WFDC9: variants seen among roughly 807,000 people sequenced by gnomAD.
The protein encoded by WFDC9 is protein WFDC9.
WFDC9 carries 9 observed loss-of-function variants against 9.5 expected under a neutral mutation model. That is an observed-to-expected ratio of 0.95 (90% CI 0.57 to 1.65). The LOEUF (loss-of-function observed/expected upper bound fraction) is 1.65. WFDC9 is among the 40% of genes most tolerant of loss of function. The pLI, the probability that WFDC9 is intolerant of heterozygous loss-of-function variation, is 0.00. For synonymous variants in WFDC9, 33 were observed against 32.3 expected (o/e 1.02, Z -0.07); for missense variants, 87 against 106.7 (o/e 0.82, Z 0.81).
chr20:45,621,999 C>G (rs371556889), intron 1 of WFDC9, among the ~76,000 whole-genome samples: 2 of 152,152 alleles, frequency 1.3e-5, no homozygotes, highest in African/African-American at 4.8e-5. Context: ...TGCCCATATA[C>G]TTTTGTATAG....
At chr20:45,609,869 T>C (rs1289175788) in intron 3 of WFDC9, among the ~76,000 whole-genome samples, 1 of 152,156 alleles carries the variant, frequency 6.6e-6, no homozygotes, top group Non-Finnish European at 1.5e-5. Context: ...GCTGATGGAA[T>C]ATAGACAAAA....
chr20:45,630,191 A>G (rs1002405629), intron 1 of WFDC9, among the ~76,000 whole-genome samples: 2 of 152,164 alleles, frequency 1.3e-5, no homozygotes, highest in Non-Finnish European at 1.5e-5. Flanking sequence ...AGGGCTGAGA[A>G]TCCAGTGGGG....
At chr20:45,617,509 A>C (rs1021428239) in intron 1 of WFDC9, among the ~76,000 whole-genome samples, 1 of 152,084 alleles carries the variant, frequency 6.6e-6, no homozygotes, top group Non-Finnish European at 1.5e-5. Flanking sequence ...CAAAAACCCA[A>C]CTACTAATAG....
chr20:45,617,763 A>G (rs968567573), intron 1 of WFDC9, among the ~76,000 whole-genome samples: 9 of 152,204 alleles, frequency 5.9e-5, no homozygotes, highest in Admixed American at 6.5e-5. Flanking sequence ...AGCTGAAAGT[A>G]TAGGTGTGCA....
At chr20:45,629,794 C>T in intron 1 of WFDC9, 9 of 1,611,468 alleles carry the variant, frequency 5.6e-6, no homozygotes, top group Non-Finnish European at 7.6e-6. Context: ...AGACATAGGG[C>T]TCACGATCTG....
chr20:45,625,909 C>T (rs1487739730), intron 1 of WFDC9, among the ~76,000 whole-genome samples: 1 of 148,692 alleles, frequency 6.7e-6, no homozygotes, highest in African/African-American at 2.5e-5. Context: ...CTCTGCCTCC[C>T]AGGTTCAAGT....
intron 4 of WFDC9, 127 bp downstream of exon 4, chr20:45,608,536 G>A (rs1657233894): frequency 1.7e-6 from 2 of 1,170,984 alleles, no homozygotes; most frequent in Non-Finnish European, 2.4e-6. Context: ...TTGGAGATAG[G>A]AGGACATTGT....
At chr20:45,618,466 C>T (rs1274058250) in intron 1 of WFDC9, among the ~76,000 whole-genome samples, 1 of 152,210 alleles carries the variant, frequency 6.6e-6, no homozygotes, top group Non-Finnish European at 1.5e-5. Flanking sequence ...GTTAACATGC[C>T]TTCCTCACTA....
chr20:45,608,515 G>T, intron 4 of WFDC9, 148 bp downstream of exon 4: 1 of 959,796 alleles, frequency 1.0e-6, no homozygotes, highest in Non-Finnish European at 1.5e-6. Context: ...GCAGTGAGGA[G>T]CAGCCTAGGT....
At position 45,608,072 on chromosome 20, in the gene WFDC9, T is replaced by A. The variant is rs1238186174; in HGVS notation, c.*38A>T. 27 of 1,612,522 alleles carry A rather than the reference T, an allele frequency of 1.7e-5. No homozygotes were observed. In the Admixed American group the frequency reaches 4.5e-4, roughly 27 times the overall value. On this transcript the variant is annotated 3_prime_UTR_variant, in exon 5 of 5. Transcript: ENST00000326000. ...GCAGCACTCTTCTTAGACCAGATGG[T>A]CATCCTTCAGCCCACAGTAGTGATC...
chr20:45,615,902 T>C (rs1050032558), intron 1 of WFDC9, among the ~76,000 whole-genome samples: 2 of 152,248 alleles, frequency 1.3e-5, no homozygotes, highest in Non-Finnish European at 2.9e-5. Context: ...TAAAATACTT[T>C]ACTACTAAAA....
intron 1 of WFDC9, among the ~76,000 whole-genome samples, chr20:45,621,510 A>G (rs1982099571): frequency 6.6e-6 from 1 of 152,222 alleles, no homozygotes; most frequent in Non-Finnish European, 1.5e-5. Flanking sequence ...ATTTTGAGAA[A>G]GTTCCCATTG....
At chr20:45,612,716 G>A (rs1240289637) in intron 2 of WFDC9, among the ~76,000 whole-genome samples, 1 of 152,048 alleles carries the variant, frequency 6.6e-6, no homozygotes, top group Admixed American at 6.6e-5. Context: ...AAAAAGATAT[G>A]CACTATTAAG....
At chr20:45,610,040 T>C (rs770668615) in intron 3 of WFDC9, 51 bp downstream of exon 3, 42 of 1,489,274 alleles carry the variant, frequency 2.8e-5, no homozygotes, top group South Asian at 5.8e-5. Flanking sequence ...TCAGCTACAA[T>C]AGACATCCCA....
intron 1 of WFDC9, chr20:45,630,970 C>G: frequency 6.2e-7 from 1 of 1,611,960 alleles, no homozygotes; most frequent in Non-Finnish European, 8.5e-7. Flanking sequence ...AAGCAAATAA[C>G]ATATGCTGTT....
In WFDC9 at chr20:45,627,346, G is replaced by A. The variant is rs189396410; in HGVS notation, c.-153+3857C>T. ...TGTGGGCCTCATAAAATTGAGCTAA[G>A]AAGAATTCCTGCCGCATCAATTTTT... On this transcript the variant is annotated intron_variant, in intron 1 of 4. Transcript: ENST00000326000. 2.4e-3 allele frequency among the ~76,000 whole-genome samples: 361 copies of A among 150,100 alleles called. 4 individuals carry two copies. Among genetic ancestry groups the A allele is most frequent in the Non-Finnish European group, 3.5e-3 (234 of 67,704 alleles).
In WFDC9 at chr20:45,610,321, C is replaced by A; in HGVS notation, c.-58-82G>T. On this transcript the variant is annotated intron_variant, in intron 2 of 4. Transcript: ENST00000326000. The stretch of plus-strand genomic sequence containing the variant: ...CTTATGACTATCATGTTATTCTTTC[C>A]CTTTCTAGTACCCAGTAGCATACCA... 4.4e-6 allele frequency: 3 copies of A among 686,222 alleles called. No homozygotes were observed. In the South Asian group the frequency reaches 6.1e-5, roughly 14 times the overall value. The allele number at this position is 686,222 out of a possible 1,614,324, so 42.5% of individuals were successfully genotyped here.
chr20:45,614,930 G>T (rs1981941118), intron 1 of WFDC9, among the ~76,000 whole-genome samples: 2 of 152,138 alleles, frequency 1.3e-5, no homozygotes, highest in African/African-American at 4.8e-5. Flanking sequence ...TGTGTACCTG[G>T]ATTGCAGCTC....
rs182349567 is a variant in WFDC9, at chr20:45,624,876, G to A, written c.-153+6327C>T. On this transcript the variant is annotated intron_variant, in intron 1 of 4. Transcript: ENST00000326000. The stretch of plus-strand genomic sequence containing the variant: ...TTTTTCATATATTTGTTGGTCATTT[G>A]TATGTCTTCTTTTGTGAATTGTCTG... 4.1e-4 allele frequency among the ~76,000 whole-genome samples: 63 copies of A among 152,178 alleles called. 1 individual carries two copies. Among genetic ancestry groups the A allele is most frequent in the African/African-American group, 1.4e-3 (59 of 41,500 alleles).
Sources: allele counts gnomAD v4.1 joint callset (sites outside exome capture counted in the v4.1 genomes callset), GRCh38; gene constraint gnomAD v4.1.1; transcripts MANE v1.5; gene names NCBI Gene and HGNC (gene_info 2026-07-23, HGNC 2026-07-21).